Variants in JAK1 observed in about 807,000 individuals in gnomAD.
The protein encoded by JAK1 is tyrosine-protein kinase JAK1.
A neutral mutation model predicts 136.6 loss-of-function variants in JAK1; 16 were observed. That is an observed-to-expected ratio of 0.12 (90% CI 0.08 to 0.18). The LOEUF is 0.18. Ranked by LOEUF, JAK1 falls within the 10% of genes least tolerant of loss-of-function variation. The pLI is 1.00. For synonymous variants in JAK1, 492 were observed against 519.5 expected (o/e 0.95, Z 0.72); for missense variants, 859 against 1,450.1 (o/e 0.59, Z 6.62).
chr1:64,897,497 G>A (rs1265018113), intron 1 of JAK1, among the ~76,000 whole-genome samples: 1 of 494 alleles, frequency 2.0e-3, no homozygotes, highest in Non-Finnish European at 7.2e-3. Flanking sequence ...GAGGGGGGGA[G>A]GAGGAGGGGG....
At chr1:65,023,915 T>C (rs1399037327) in intron 2 of JAK1, among the ~76,000 whole-genome samples, 2 of 88,016 alleles carry the variant, frequency 2.3e-5, no homozygotes, top group African/African-American at 1.2e-4. Flanking sequence ...GATTCATCCT[T>C]TTTTTTTTTT....
In JAK1 at chr1:64,850,809, C is replaced by T. The variant is rs1422122219; in HGVS notation, c.1750G>A (p.Val584Met). 6.2e-7 allele frequency: 1 copy of T among 1,611,908 alleles called. No individual in the cohort carries two copies. The highest frequency in any genetic ancestry group is 8.5e-7 in the Non-Finnish European group (1 of 1,177,982). Residue 584 changes from valine (V) to methionine (M), a missense_variant, in exon 12 of 25, where the codon GTG becomes ATG. Physicochemically the swap from Val to Met is conservative, Grantham distance 21. Coordinates refer to ENST00000342505, the MANE Select transcript of JAK1 (RefSeq NM_002227.4). ...ACCCTGCAGCCGTGACTCACCTGCACCAGATCCTTCTTGAGGATCCGATCG... is the reference window on the plus strand; with the variant it reads ...ACCCTGCAGCCGTGACTCACCTGCATCAGATCCTTCTTGAGGATCCGATCG... The part of the protein sequence containing the change: ...SFDRILKKDL[V>M]QGEHLGRGTR...
intron 2 of JAK1, among the ~76,000 whole-genome samples, chr1:64,999,882 A>T (rs968242775): frequency 5.9e-5 from 9 of 151,960 alleles, no homozygotes; most frequent in Admixed American, 2.6e-4. Context: ...TAATGTATCC[A>T]TCTCTATATT....
At chr1:64,914,059 T>C (rs1379478885) in intron 1 of JAK1, among the ~76,000 whole-genome samples, 1 of 152,156 alleles carries the variant, frequency 6.6e-6, no homozygotes, top group Non-Finnish European at 1.5e-5. Flanking sequence ...GCCAAGACTC[T>C]ACAATGCAGG....
At chr1:64,970,179 CT>C (rs1646438537), upstream of JAK1, among the ~76,000 whole-genome samples, 3 of 145,226 alleles carry the variant, frequency 2.1e-5, no homozygotes, top group South Asian at 6.6e-4. Context: ...TGGCTCACAC[CT>C]GTAATCCTAG....
At position 64,890,187 on chromosome 1, in the gene JAK1, C is replaced by A. The variant is rs569069813; in HGVS notation, c.-77-3846G>T. Among the ~76,000 whole-genome samples, 16 of 151,916 alleles carry A rather than the reference C, an allele frequency of 1.1e-4. No homozygotes were observed. In the South Asian group the frequency reaches 3.3e-3, roughly 32 times the overall value. ...AGCCTTAATCAACTATTTCAGCAGG[C>A]AGCAGTCTTAACGTTGGTAAGGAAA... is the stretch of plus-strand genomic sequence containing the variant. On this transcript the variant is annotated intron_variant, in intron 1 of 24. Transcript: ENST00000342505.
At chr1:64,838,856 A>G (rs1014055304) in intron 20 of JAK1, among the ~76,000 whole-genome samples, 9 of 151,914 alleles carry the variant, frequency 5.9e-5, no homozygotes, top group Non-Finnish European at 1.0e-4. Flanking sequence ...TGTTTTCAAA[A>G]ATTATCGGGC....
intron 7 of JAK1, among the ~76,000 whole-genome samples, 172 bp downstream of exon 7, chr1:64,866,694 T>C (rs1656725454): frequency 6.6e-6 from 1 of 152,232 alleles, no homozygotes; most frequent in East Asian, 1.9e-4. Flanking sequence ...TAAATACTTA[T>C]TTAGACCTTG....
chr1:64,963,693 A>G (rs1646323654), intron 1 of JAK1, among the ~76,000 whole-genome samples: 1 of 152,182 alleles, frequency 6.6e-6, no homozygotes, highest in Admixed American at 6.5e-5. Context: ...CGAGATGACC[A>G]GGGAGAATAT....
At chr1:64,915,950 C>A (rs1325328306) in intron 1 of JAK1, among the ~76,000 whole-genome samples, 1 of 152,150 alleles carries the variant, frequency 6.6e-6, no homozygotes, top group African/African-American at 2.4e-5. Context: ...CAGTCCCTAG[C>A]CCTCCAGGTG....
At chr1:64,942,869 G>GT (rs199931012) in intron 1 of JAK1, among the ~76,000 whole-genome samples, 1,906 of 152,080 alleles carry the variant, frequency 0.013, 40 homozygotes, top group African/African-American at 0.044. Context: ...TCTAAATAAA[G>GT]TAACTGTCTT....
At chr1:65,043,952 C>T (rs965846506) in intron 2 of JAK1, among the ~76,000 whole-genome samples, 4 of 151,994 alleles carry the variant, frequency 2.6e-5, no homozygotes, top group African/African-American at 2.4e-5. Flanking sequence ...GAACTCCTGA[C>T]CTCAAGTGAT....
At chr1:64,877,088 GGTT>G (rs1318477515) in intron 4 of JAK1, among the ~76,000 whole-genome samples, 2 of 152,122 alleles carry the variant, frequency 1.3e-5, no homozygotes, top group African/African-American at 4.8e-5. Context: ...GGGGCAAAGA[GGTT>G]GTGACAAAGA....
At chr1:64,923,512 T>C (rs1005080941) in intron 1 of JAK1, among the ~76,000 whole-genome samples, 2 of 152,210 alleles carry the variant, frequency 1.3e-5, no homozygotes, top group South Asian at 4.1e-4. Flanking sequence ...TCAGATCACA[T>C]GGGGACATTT....
At chr1:64,966,797 G>A (rs532346792), upstream of JAK1, among the ~76,000 whole-genome samples, 1 of 151,098 alleles carries the variant, frequency 6.6e-6, no homozygotes, top group East Asian at 2.0e-4. Context: ...TCTAGGACGC[G>A]AGGTCATCTA....
chr1:64,857,622 G>A (rs769380799), intron 10 of JAK1, 34 bp downstream of exon 10: 1 of 1,612,720 alleles, frequency 6.2e-7, no homozygotes, highest in South Asian at 1.1e-5. Context: ...CCTCATGGCT[G>A]TATGGCCTGG....
upstream of JAK1, among the ~76,000 whole-genome samples, chr1:64,970,961 T>G (rs1646447142): frequency 6.6e-6 from 1 of 152,186 alleles, no homozygotes; most frequent in South Asian, 2.1e-4. Context: ...TACACACAGT[T>G]TCACACATAA....
intron 2 of JAK1, chr1:64,993,627 TA>T (rs1646677610): frequency 6.6e-6 from 1 of 152,086 alleles, no homozygotes; most frequent in African/African-American, 2.4e-5. Context: ...ATTTTATTTT[TA>T]TTTTTATTTT....
At chr1:64,893,044 C>CT (rs1644963252) in intron 1 of JAK1, among the ~76,000 whole-genome samples, 1 of 151,988 alleles carries the variant, frequency 6.6e-6, no homozygotes, top group African/African-American at 2.4e-5. Flanking sequence ...AAGGGCCATG[C>CT]TTTGGGCTGA....
Sources: allele counts gnomAD v4.1 joint callset (sites outside exome capture counted in the v4.1 genomes callset), GRCh38; gene constraint gnomAD v4.1.1; transcripts MANE v1.5; gene names NCBI Gene and HGNC (gene_info 2026-07-23, HGNC 2026-07-21).